The following RABIF variants were observed in gnomAD, a reference collection of about 807,000 sequenced individuals.
RABIF encodes the protein guanine nucleotide exchange factor MSS4.
A neutral mutation model predicts 12.3 loss-of-function variants in RABIF; 13 were observed. That is an observed-to-expected ratio of 1.06 (90% CI 0.69 to 1.68). The LOEUF (loss-of-function observed/expected upper bound fraction) is 1.68. RABIF is among the 40% of genes most tolerant of loss of function. The pLI, the probability that RABIF is intolerant of heterozygous loss-of-function variation, is 0.00. For missense variants in RABIF, 153 were observed against 158.0 expected, an observed-to-expected ratio of 0.97 and a Z score of 0.17; for synonymous variants, 70 against 63.3, an observed-to-expected ratio of 1.11 and a Z score of -0.50.
At chr1:202,887,325 T>C (rs1257855702) in intron 1 of RABIF, among the ~76,000 whole-genome samples, 1 of 151,946 alleles carries the variant, frequency 6.6e-6, no homozygotes, top group Non-Finnish European at 1.5e-5. Flanking sequence ...GGAAACTTTC[T>C]TAAAACATTA....
At chr1:202,884,164 C>T (rs559711622) in intron 1 of RABIF, among the ~76,000 whole-genome samples, 7 of 152,256 alleles carry the variant, frequency 4.6e-5, no homozygotes, top group African/African-American at 7.2e-5. Context: ...ATAGACAGAA[C>T]GCCACAACTC....
At chr1:202,888,876 G>A (rs1389476669) in intron 1 of RABIF, 97 bp downstream of exon 1, 3 of 1,413,642 alleles carry the variant, frequency 2.1e-6, no homozygotes, top group East Asian at 5.6e-5. Flanking sequence ...AGGAGGGCGC[G>A]GTTGCCGGAA....
chr1:202,882,428 T>G (rs969589426), intron 1 of RABIF, among the ~76,000 whole-genome samples: 5 of 152,068 alleles, frequency 3.3e-5, no homozygotes, highest in Admixed American at 6.6e-5. Context: ...TGGTGGCAAG[T>G]GTCCGTAGTC....
chr1:202,883,115 C>A (rs529716268), intron 1 of RABIF, among the ~76,000 whole-genome samples: 4 of 152,256 alleles, frequency 2.6e-5, no homozygotes, highest in African/African-American at 9.6e-5. Context: ...AATATCATGC[C>A]AGCCAAGTTT....
At chr1:202,887,661 C>A (rs1191792562) in intron 1 of RABIF, among the ~76,000 whole-genome samples, 1 of 151,842 alleles carries the variant, frequency 6.6e-6, no homozygotes, top group Non-Finnish European at 1.5e-5. Flanking sequence ...CCACCCCCAA[C>A]TAATTTTTGT....
chr1:202,881,268 C>T, intron 1 of RABIF, 45 bp from the exon 2 acceptor site: 1 of 1,574,298 alleles, frequency 6.4e-7, no homozygotes, highest in Admixed American at 1.8e-5. Flanking sequence ...TGAACTGGCC[C>T]AGTTCCATCA....
Position 202,880,863 on chromosome 1 carries a change from GTATTTA to G in RABIF, c.*109_*114del. ...GTTCAAATGGACATGCTGGTACTCA[GTATTTA>G]TATTAGCACAGACAAGAAGGCAGCG... On this transcript the variant is annotated 3_prime_UTR_variant, in exon 2 of 2. Transcript: ENST00000367262. 1 of 1,521,318 alleles carries G rather than the reference GTATTTA, an allele frequency of 6.6e-7. No homozygotes were observed. Among genetic ancestry groups the G allele is most frequent in the Non-Finnish European group, 8.8e-7 (1 of 1,137,392 alleles). The allele number at this position is 1,521,318 out of a possible 1,614,324, so 94.2% of individuals were successfully genotyped here. A position where few individuals can be genotyped will look rare whatever the true frequency, so the allele number is the denominator to read the frequency against.
In RABIF at chr1:202,888,966, T is replaced by G. The variant is rs1314066930; in HGVS notation, c.126+7A>C. The stretch of plus-strand genomic sequence containing the variant: ...GGGTGTAAACGGCCTCCAACCTGCC[T>G]CCCTACCTGTCGGCGAGAGAAGAGA... On this transcript the variant is annotated splice_region_variant and intron_variant, in intron 1 of 1. Coordinates refer to ENST00000367262, the MANE Select transcript of RABIF (RefSeq NM_002871.5). The G allele has an allele frequency of 6.4e-7, 1 of 1,551,204 alleles. No individual in the cohort carries two copies. The highest frequency in any genetic ancestry group is 1.4e-5 in the African/African-American group (1 of 73,398).
intron 1 of RABIF, 51 bp from the exon 2 acceptor site, chr1:202,881,274 C>A: frequency 6.4e-7 from 1 of 1,567,320 alleles, no homozygotes; most frequent in Non-Finnish European, 8.6e-7. Context: ...GGCCCAGTTC[C>A]ATCAACACCC....
intron 1 of RABIF, among the ~76,000 whole-genome samples, chr1:202,882,996 A>G (rs1487977683): frequency 1.3e-5 from 2 of 152,162 alleles, no homozygotes; most frequent in Non-Finnish European, 1.5e-5. Flanking sequence ...TCCAACCTAT[A>G]TGACTTCTCA....
chr1:202,889,079 G>T lies in RABIF; in HGVS notation c.20C>A (p.Pro7Gln), dbSNP rs779708894. The T allele has an allele frequency of 1.2e-6, 2 of 1,608,530 alleles. No individual in the cohort carries two copies. Among genetic ancestry groups the T allele is most frequent in the East Asian group, 2.3e-5 (1 of 44,144 alleles). ...GCCCTCGGCTGACACTAACTCGCTC[G>T]GCTGCTCCGCTGGTTCCATCGCCGC... MEPAEQPSELVSAEGRN... is the reference protein window; with the variant it reads MEPAEQQSELVSAEGRN... Residue 7 changes from proline (P) to glutamine (Q), a missense_variant, in exon 1 of 2, where the codon CCG (proline) becomes CAG (glutamine). By Grantham distance (76) the Pro-to-Gln change is moderately conservative. Coordinates refer to ENST00000367262, the MANE Select transcript of RABIF (RefSeq NM_002871.5).
intron 1 of RABIF, among the ~76,000 whole-genome samples, chr1:202,887,976 C>T (rs941881067): frequency 1.3e-5 from 2 of 152,210 alleles, no homozygotes; most frequent in South Asian, 4.1e-4. Context: ...CTCCACCAAT[C>T]TCTAGATCAA....
At position 202,881,007 on chromosome 1, in the gene RABIF, C is replaced by G. The variant is rs1659480327; in HGVS notation, c.343G>C (p.Val115Leu). The G allele has an allele frequency of 6.2e-7, 1 of 1,614,132 alleles. No individual in the cohort carries two copies. Among genetic ancestry groups the G allele is most frequent in the Non-Finnish European group, 8.5e-7 (1 of 1,179,968 alleles). Reference sequence around the variant, plus strand: ...TCATGGGAAACTCGTTCCAAGGCCACATAGAAACTGTTCTTGTCATCTAGG... The same window carrying G: ...TCATGGGAAACTCGTTCCAAGGCCAGATAGAAACTGTTCTTGTCATCTAGG... ...HCLDDKNSFY[V>L]ALERVSHE The change falls in exon 2 of 2, where the codon GTG becomes CTG. Residue 115 changes from valine to leucine, a missense_variant. Transcript: ENST00000367262.
Position 202,880,785 on chromosome 1 carries a change from T to G in RABIF, c.*193A>C. The stretch of plus-strand genomic sequence containing the variant: ...TTAGGAAATGTGATACAAAGTGAAC[T>G]AAGCAGGAGGCATGTACTTGAGGCT... On this transcript the variant is annotated 3_prime_UTR_variant, in exon 2 of 2. Coordinates refer to ENST00000367262, the MANE Select transcript of RABIF (RefSeq NM_002871.5). The G allele has an allele frequency of 7.4e-7, 1 of 1,356,170 alleles. No homozygotes were observed. Among genetic ancestry groups the G allele is most frequent in the Admixed American group, 3.0e-5 (1 of 33,298 alleles). 84.0% of individuals were successfully genotyped at this position (1,356,170 alleles called of 1,614,324 possible). A position where few individuals can be genotyped will look rare whatever the true frequency, so the allele number is the denominator to read the frequency against.
Position 202,879,702 on chromosome 1 carries a change from G to C in RABIF, c.*1276C>G, listed in dbSNP as rs1379120609. On this transcript the variant is annotated 3_prime_UTR_variant, in exon 2 of 2. Coordinates refer to ENST00000367262, the MANE Select transcript of RABIF (RefSeq NM_002871.5). ...AGTCGGGGAGCCCTTAGAAAGTTTG[G>C]GGGTAAAGGAATGAGGAAGCAACTA... 6.6e-6 allele frequency: 1 copy of C among 152,184 alleles called. No individual in the cohort carries two copies. The highest frequency in any genetic ancestry group is 1.5e-5 in the Non-Finnish European group (1 of 68,066). 9.4% of individuals were successfully genotyped at this position (152,184 alleles called of 1,614,324 possible). A position where few individuals can be genotyped will look rare whatever the true frequency, so the allele number is the denominator to read the frequency against.
chr1:202,885,362 G>A (rs1557979441), intron 1 of RABIF, among the ~76,000 whole-genome samples: 1 of 152,216 alleles, frequency 6.6e-6, no homozygotes, highest in Non-Finnish European at 1.5e-5. Context: ...TTCTCCAACT[G>A]TTCCCATCTG....
chr1:202,888,299 A>G (rs1057422344), intron 1 of RABIF, among the ~76,000 whole-genome samples: 25 of 151,664 alleles, frequency 1.6e-4, no homozygotes, highest in South Asian at 6.3e-4. Flanking sequence ...AACTGAAGGG[A>G]AAAAAAAAGT....
At chr1:202,888,045 G>A (rs1659588792) in intron 1 of RABIF, among the ~76,000 whole-genome samples, 2 of 152,166 alleles carry the variant, frequency 1.3e-5, no homozygotes, top group African/African-American at 4.8e-5. Context: ...CTCCTTTGAT[G>A]AAAGGCTGTT....
At position 202,881,046 on chromosome 1, in the gene RABIF, T is replaced by C. The variant is rs948624931; in HGVS notation, c.304A>G (p.Ile102Val). ...TTGTCATCTAGGCAATGCCAGCCAA[T>C]TGGTCCAATTTCACAGTCTGCGCAG... ...LVCADCEIGP[I>V]GWHCLDDKNS... Residue 102 changes from isoleucine to valine, a missense_variant, in exon 2 of 2, where the codon ATT (isoleucine) becomes GTT (valine). Transcript: ENST00000367262. 20 of 1,613,948 alleles carry C rather than the reference T, an allele frequency of 1.2e-5. No individual in the cohort carries two copies. Among genetic ancestry groups the C allele is most frequent in the Admixed American group, 1.7e-5 (1 of 59,988 alleles).
Sources: gnomAD v4.1 joint callset for allele counts (sites outside exome capture counted in the v4.1 genomes callset) on GRCh38, gnomAD v4.1.1 for gene constraint, MANE v1.5 for transcripts, NCBI Gene and HGNC (gene_info 2026-07-23, HGNC 2026-07-21) for gene names.